Variants in COLGALT2 observed in about 807,000 individuals in gnomAD.
The protein encoded by COLGALT2 is procollagen galactosyltransferase 2.
COLGALT2 carries 49 observed loss-of-function variants against 73.4 expected under a neutral mutation model. The observed-to-expected ratio is 0.67, with a 90% CI of 0.53 to 0.85. COLGALT2 has a LOEUF of 0.85. COLGALT2 is among the 40% of genes least tolerant of loss of function. The probability of loss-of-function intolerance (pLI) is 0.00; values close to 1 mark genes in which losing one functional copy is unlikely to be tolerated. For missense variants in COLGALT2, 722 were observed against 790.2 expected (o/e 0.91, Z 1.03); for synonymous variants, 295 against 307.6 (o/e 0.96, Z 0.43).
intron 6 of COLGALT2, among the ~76,000 whole-genome samples, chr1:183,962,154 C>CTTTTTTTTTTTTTTTTTTTTTTTTT (rs34873073): frequency 2.3e-5 from 2 of 85,538 alleles, no homozygotes; most frequent in Non-Finnish European, 4.2e-5. Flanking sequence ...TTTTCTCTTT[C>CTTTTTTTTTTTTTTTTTTTTTTTTT]TTTTTTTTTT....
chr1:184,011,590 C>A (rs1437087630), intron 1 of COLGALT2, among the ~76,000 whole-genome samples: 1 of 152,190 alleles, frequency 6.6e-6, no homozygotes, highest in Non-Finnish European at 1.5e-5. Flanking sequence ...TTGTTCCAAT[C>A]GGCTGTTATG....
chr1:183,973,566 G>A (rs1305127349), intron 4 of COLGALT2, 50 bp downstream of exon 4: 3 of 1,609,196 alleles, frequency 1.9e-6, no homozygotes, highest in Non-Finnish European at 2.5e-6. Context: ...TTGACCGGGT[G>A]TTGCCTTGTT....
intron 1 of COLGALT2, among the ~76,000 whole-genome samples, chr1:184,008,730 TA>T (rs924239923): frequency 1.3e-5 from 2 of 152,134 alleles, no homozygotes; most frequent in Non-Finnish European, 2.9e-5. Flanking sequence ...ATCCTGTCTC[TA>T]AAAAATACAT....
chr1:183,956,582 G>A (rs1037587562), intron 6 of COLGALT2, among the ~76,000 whole-genome samples: 1 of 152,168 alleles, frequency 6.6e-6, no homozygotes, highest in Non-Finnish European at 1.5e-5. Flanking sequence ...CCTGAGACTT[G>A]GGAAGATGTT....
In COLGALT2 at chr1:183,940,723, G is replaced by C; in HGVS notation, c.1462C>G (p.Leu488Val). The C allele has an allele frequency of 6.2e-7, 1 of 1,614,212 alleles. No homozygotes were observed. Among genetic ancestry groups the C allele is most frequent in the Non-Finnish European group, 8.5e-7 (1 of 1,180,038 alleles). ...PEKAVPNVAN[L>V]VEADYSYWTL... ...CAGTAGGAATAGTCGGCTTCGACCA[G>C]GTTTGCCACATTGGGCACTGCTTTC... is the stretch of plus-strand genomic sequence containing the variant. Residue 488 changes from leucine to valine, a missense_variant, in exon 11 of 12, where the codon CTG becomes GTG. Leu to Val is a conservative substitution (Grantham distance 32). Coordinates refer to ENST00000361927, the MANE Select transcript of COLGALT2 (RefSeq NM_015101.4).
In COLGALT2 at chr1:183,940,658, C is replaced by T. The variant is rs1306442876; in HGVS notation, c.1527G>A (p.Lys509=). Residue 509 remains lysine, a synonymous_variant, in exon 11 of 12, where the codon AAG becomes AAA. Coordinates refer to ENST00000361927, the MANE Select transcript of COLGALT2 (RefSeq NM_015101.4). ...TCCCAAAAGGATTGGCTCCAACCAGCTTCTGTGCTCCTTCCAGAGAGATGA... is the reference window on the plus strand; with the variant it reads ...TCCCAAAAGGATTGGCTCCAACCAGTTTCTGTGCTCCTTCCAGAGAGATGA... ...GYVISLEGAQ[K]LVGANPFGKM... is the part of the protein sequence containing the mutation. The T allele has an allele frequency of 1.2e-6, 2 of 1,614,238 alleles. No individual in the cohort carries two copies. Among genetic ancestry groups the T allele is most frequent in the East Asian group, 2.2e-5 (1 of 44,884 alleles).
intron 1 of COLGALT2, among the ~76,000 whole-genome samples, chr1:184,003,071 A>T (rs555539080): frequency 1.3e-3 from 196 of 152,342 alleles, no homozygotes; most frequent in African/African-American, 4.4e-3. Flanking sequence ...ATTATTATGT[A>T]GCCATAAAGA....
chr1:184,004,800 TGGGAGTCACAGAGAGCACA>T (rs1446186585), intron 1 of COLGALT2, among the ~76,000 whole-genome samples: 2 of 151,668 alleles, frequency 1.3e-5, no homozygotes, highest in African/African-American at 4.9e-5. Flanking sequence ...GAGGGGGAGA[TGGGAGTCACAGAGAGCACA>T]GGGAGTCACA....
At chr1:183,984,420 A>G (rs978318558) in intron 1 of COLGALT2, among the ~76,000 whole-genome samples, 3 of 152,086 alleles carry the variant, frequency 2.0e-5, no homozygotes, top group African/African-American at 7.2e-5. Flanking sequence ...AAAAACAACA[A>G]CGACAAAAAG....
chr1:183,940,644 T>C lies in COLGALT2; in HGVS notation c.1541A>G (p.Asn514Ser), dbSNP rs777741377. ...CACTGGCAGCATCTTCCCAAAAGGA[T>C]TGGCTCCAACCAGCTTCTGTGCTCC... ...LEGAQKLVGA[N>S]PFGKMLPVDE... The change falls in exon 11 of 12, where the codon AAT (asparagine) becomes AGT (serine). Residue 514 changes from asparagine to serine, a missense_variant. Asn to Ser is a conservative substitution (Grantham distance 46). Transcript: ENST00000361927. The C allele has an allele frequency of 5.0e-6, 8 of 1,614,090 alleles. No individual in the cohort carries two copies. In the Admixed American group the frequency reaches 5.0e-5, roughly 10 times the overall value.
chr1:183,955,883 G>T (rs1259785601), intron 6 of COLGALT2, among the ~76,000 whole-genome samples: 1 of 152,188 alleles, frequency 6.6e-6, no homozygotes, highest in East Asian at 1.9e-4. Context: ...TCTTGCCCTT[G>T]AAGTTACTCA....
Position 184,017,476 on chromosome 1 carries a change from A to C in COLGALT2, c.263+19619T>G, listed in dbSNP as rs796203899. 3.3e-5 allele frequency among the ~76,000 whole-genome samples: 5 copies of C among 152,270 alleles called. 1 individual carries two copies. Among genetic ancestry groups the C allele is most frequent in the African/African-American group, 1.2e-4 (5 of 41,542 alleles). ...TGGTCCTTTCCCACGTGTCAAGTGA[A>C]CCACAAGAGTAATAACCTACATATG... is the stretch of plus-strand genomic sequence containing the variant. On this transcript the variant is annotated intron_variant, in intron 1 of 11. Coordinates refer to ENST00000361927, the MANE Select transcript of COLGALT2 (RefSeq NM_015101.4).
chr1:183,950,984 A>G (rs201903283), intron 8 of COLGALT2, 23 bp downstream of exon 8: 72 of 1,545,068 alleles, frequency 4.7e-5, no homozygotes, highest in South Asian at 1.1e-4. Flanking sequence ...CACATCTGCA[A>G]TGGGAGAAGA....
At chr1:184,006,426 A>C (rs1672083240) in intron 1 of COLGALT2, among the ~76,000 whole-genome samples, 1 of 152,036 alleles carries the variant, frequency 6.6e-6, no homozygotes, top group South Asian at 2.1e-4. Context: ...CTCTACTAAA[A>C]ATACAAAATT....
In COLGALT2 at chr1:183,944,282, G is replaced by A. The variant is rs141985090; in HGVS notation, c.1311C>T (p.Asp437=). The change falls in exon 10 of 12, where the codon GAC becomes GAT. Residue 437 remains aspartate, a synonymous_variant. Coordinates refer to ENST00000361927, the MANE Select transcript of COLGALT2 (RefSeq NM_015101.4). ...RELEKTLVIE[D]DVRFEHQFKK... ...TAAACTGATGCTCAAAACGCACATC[G>A]TCTTCAATTACAAGAGTCTTCTCTA... The A allele has an allele frequency of 1.6e-5, 26 of 1,613,790 alleles. No homozygotes were observed. Among genetic ancestry groups the A allele is most frequent in the Middle Eastern group, 1.6e-4 (1 of 6,082 alleles).
chr1:183,950,550 A>G (rs944700151), intron 8 of COLGALT2, among the ~76,000 whole-genome samples: 4 of 151,916 alleles, frequency 2.6e-5, no homozygotes, highest in African/African-American at 9.7e-5. Flanking sequence ...AAAAGTGGCC[A>G]CTATGATCGG....
chr1:183,995,142 C>A (rs988373010), intron 1 of COLGALT2, among the ~76,000 whole-genome samples: 3 of 152,114 alleles, frequency 2.0e-5, no homozygotes, highest in Non-Finnish European at 4.4e-5. Context: ...TATCAATAGT[C>A]ATTTCTGAAT....
At position 183,935,923 on chromosome 1, in the gene COLGALT2, A is replaced by T. The variant is rs1669939419; in HGVS notation, c.*2838T>A. The T allele has an allele frequency of 1.0e-6, 1 of 985,350 alleles. No homozygotes were observed. The highest frequency in any genetic ancestry group is 1.7e-5 in the African/African-American group (1 of 57,244). 61.0% of individuals were successfully genotyped at this position (985,350 alleles called of 1,614,324 possible). A position where few individuals can be genotyped will look rare whatever the true frequency, so the allele number is the denominator to read the frequency against. On this transcript the variant is annotated 3_prime_UTR_variant, in exon 12 of 12. Transcript: ENST00000361927. ...CCCACTCTGAAATAGCACGCAAGAC[A>T]GATGATGCAGGGGAACGGGTGTCCA...
At chr1:184,001,830 C>G (rs1377214297) in intron 1 of COLGALT2, among the ~76,000 whole-genome samples, 1 of 152,186 alleles carries the variant, frequency 6.6e-6, no homozygotes, top group Non-Finnish European at 1.5e-5. Context: ...GCTTCTTACT[C>G]CCTGAATCTC....
Sources: allele counts gnomAD v4.1 joint callset (sites outside exome capture counted in the v4.1 genomes callset), GRCh38; gene constraint gnomAD v4.1.1; transcripts MANE v1.5; gene names NCBI Gene and HGNC (gene_info 2026-07-23, HGNC 2026-07-21).